CPED1: variants seen among roughly 807,000 people sequenced by gnomAD.
CPED1 encodes the protein cadherin-like and PC-esterase domain-containing protein 1.
In CPED1, 114 loss-of-function variants were observed where a neutral mutation model predicts 128.2. The observed-to-expected ratio is 0.89, with a 90% CI of 0.76 to 1.04. The LOEUF (loss-of-function observed/expected upper bound fraction) is 1.04. Ranked by LOEUF, CPED1 falls within the 50% of genes least tolerant of loss-of-function variation. The pLI, the probability that CPED1 is intolerant of heterozygous loss-of-function variation, is 0.00. For missense variants in CPED1, 1,211 were observed against 1,207.1 expected, an observed-to-expected ratio of 1.00 and a Z score of -0.05; for synonymous variants, 462 against 426.7, an observed-to-expected ratio of 1.08 and a Z score of -1.02.
rs145272615 is a variant in CPED1 at position 121,190,026 on chromosome 7, G to T, written c.2056-46688G>T. On this transcript the variant is annotated intron_variant, in intron 16 of 22. Coordinates refer to ENST00000310396, the MANE Select transcript of CPED1 (RefSeq NM_024913.5). ...CTCTGCTTTTGTGAAATTTACATTA[G>T]GGTTGAAGAAACAGTTAAAGAATTT... Among the ~76,000 whole-genome samples the T allele has an allele frequency of 9.2e-4, 140 of 151,540 alleles. 2 individuals carry two copies. Among genetic ancestry groups the T allele is most frequent in the African/African-American group, 3.3e-3 (135 of 41,356 alleles).
chr7:121,039,771 C>A (rs1793000140), intron 3 of CPED1, among the ~76,000 whole-genome samples: 1 of 152,010 alleles, frequency 6.6e-6, no homozygotes, highest in Non-Finnish European at 1.5e-5. Context: ...AGCAAGCCTT[C>A]TAAAGTGAAC....
chr7:121,084,106 T>C (rs1794361836), intron 5 of CPED1, among the ~76,000 whole-genome samples: 1 of 152,202 alleles, frequency 6.6e-6, no homozygotes. Flanking sequence ...AATATTTCTT[T>C]GCCTCTACCT....
intron 16 of CPED1, among the ~76,000 whole-genome samples, chr7:121,223,504 A>G (rs1038843778): frequency 2.6e-5 from 4 of 151,936 alleles, no homozygotes; most frequent in African/African-American, 9.7e-5. Context: ...CTCTTTTTCT[A>G]TTGATTGGAG....
chr7:121,127,054 A>G (rs752913049), intron 9 of CPED1, 36 bp from the exon 10 acceptor site: 2 of 1,451,034 alleles, frequency 1.4e-6, no homozygotes, highest in South Asian at 2.6e-5. Context: ...AAGTAAATCG[A>G]TGAAAAATAT....
chr7:121,176,072 C>T (rs898055302), intron 16 of CPED1, among the ~76,000 whole-genome samples: 6 of 151,168 alleles, frequency 4.0e-5, no homozygotes, highest in Non-Finnish European at 7.4e-5. Context: ...GTGTAAATTA[C>T]TTGAGGAATT....
At chr7:121,044,012 T>C (rs1262092859) in intron 3 of CPED1, among the ~76,000 whole-genome samples, 1 of 152,132 alleles carries the variant, frequency 6.6e-6, no homozygotes, top group Non-Finnish European at 1.5e-5. Context: ...TAATTTGTAA[T>C]TGTGCTGAGG....
chr7:120,995,967 C>G (rs1348619367), intron 2 of CPED1, among the ~76,000 whole-genome samples: 3 of 109,168 alleles, frequency 2.7e-5, no homozygotes, highest in Non-Finnish European at 5.4e-5. Context: ...CCTCCTCCTC[C>G]TCCTTCTTCT....
intron 21 of CPED1, among the ~76,000 whole-genome samples, chr7:121,269,387 CTCA>C (rs1208298611): frequency 6.6e-6 from 1 of 152,060 alleles, no homozygotes; most frequent in Non-Finnish European, 1.5e-5. Flanking sequence ...TTTTCTTTAT[CTCA>C]TCCACTTTTG....
rs1457550430 is a variant in CPED1, at chr7:121,256,121, AAAC to A, written c.2311-10103_2311-10101del. 2.7e-4 allele frequency among the ~76,000 whole-genome samples: 11 copies of A among 40,622 alleles called. 1 individual carries two copies. Among genetic ancestry groups the A allele is most frequent in the South Asian group, 1.8e-3 (1 of 546 alleles). The allele number at this position is 40,622 out of a possible 152,430, so 26.6% of individuals were successfully genotyped here. On this transcript the variant is annotated intron_variant, in intron 18 of 22. Transcript: ENST00000310396. ...TAAAGCAATCCTAAGCAAAAAAAAA[AAAC>A]AAAACAAAAAAAAAAAACAAAGCTT... is the stretch of plus-strand genomic sequence containing the variant.
At chr7:121,188,242 G>A (rs1797049557) in intron 16 of CPED1, among the ~76,000 whole-genome samples, 1 of 152,072 alleles carries the variant, frequency 6.6e-6, no homozygotes, top group Non-Finnish European at 1.5e-5. Flanking sequence ...GTTGATAATT[G>A]TTGAATATGG....
chr7:121,144,339 A>G (rs1033459962), intron 16 of CPED1, among the ~76,000 whole-genome samples: 11 of 152,114 alleles, frequency 7.2e-5, no homozygotes, highest in Non-Finnish European at 1.5e-4. Flanking sequence ...CATATATACA[A>G]TGGTGTATTA....
intron 16 of CPED1, among the ~76,000 whole-genome samples, chr7:121,222,703 A>G (rs1393410757): frequency 1.3e-5 from 2 of 151,976 alleles, no homozygotes; most frequent in South Asian, 2.1e-4. Context: ...TACTTATTTT[A>G]TTCTTTTTGT....
At chr7:121,122,333 G>T (rs557698734) in intron 7 of CPED1, among the ~76,000 whole-genome samples, 75 of 152,084 alleles carry the variant, frequency 4.9e-4, no homozygotes, top group African/African-American at 1.8e-3. Flanking sequence ...TAGAGATGGG[G>T]TTTCATCATG....
chr7:121,015,744 C>A lies in CPED1; in HGVS notation c.329C>A (p.Thr110Lys), dbSNP rs564333233. 3.1e-6 allele frequency: 5 copies of A among 1,612,030 alleles called. No individual in the cohort carries two copies. The African/African-American group carries it at 6.7e-5, about 22-fold the overall frequency. ...TACAGGCCTCCTTTCTACAGCAAAA[C>A]AGAGCTTCAGCTACACCAGCACATT... ...ILYRPPFYSK[T>K]ELQLHQHILT... The change falls in exon 3 of 23, where the codon ACA (threonine) becomes AAA (lysine). Residue 110 changes from threonine (T) to lysine (K), a missense_variant. Physicochemically the swap from Thr to Lys is moderately conservative, Grantham distance 78. Coordinates refer to ENST00000310396, the MANE Select transcript of CPED1 (RefSeq NM_024913.5).
chr7:121,052,339 G>T (rs1793374888), intron 4 of CPED1, among the ~76,000 whole-genome samples: 1 of 152,126 alleles, frequency 6.6e-6, no homozygotes, highest in Non-Finnish European at 1.5e-5. Context: ...AAAACATACG[G>T]TTGGCACCTG....
intron 16 of CPED1, among the ~76,000 whole-genome samples, chr7:121,201,261 C>T (rs578113280): frequency 1.1e-4 from 17 of 152,084 alleles, no homozygotes; most frequent in African/African-American, 3.9e-4. Flanking sequence ...GGTAACACCC[C>T]GCTCCACCAA....
chr7:121,036,210 T>C (rs1792881146), intron 3 of CPED1, among the ~76,000 whole-genome samples: 1 of 152,102 alleles, frequency 6.6e-6, no homozygotes, highest in African/African-American at 2.4e-5. Context: ...TCTGAGATTT[T>C]GGTGCACCCA....
At chr7:121,206,763 C>A (rs1797527536) in intron 16 of CPED1, among the ~76,000 whole-genome samples, 1 of 151,648 alleles carries the variant, frequency 6.6e-6, no homozygotes, top group Non-Finnish European at 1.5e-5. Flanking sequence ...TATTGAGAAT[C>A]CCTGAAGAAA....
At chr7:121,025,791 T>A (rs1792563281) in intron 3 of CPED1, among the ~76,000 whole-genome samples, 1 of 152,140 alleles carries the variant, frequency 6.6e-6, no homozygotes, top group African/African-American at 2.4e-5. Context: ...AAATGCAATA[T>A]CCCCCTCAGG....
Sources: allele counts gnomAD v4.1 joint callset (sites outside exome capture counted in the v4.1 genomes callset), GRCh38; gene constraint gnomAD v4.1.1; transcripts MANE v1.5; gene names NCBI Gene and HGNC (gene_info 2026-07-23, HGNC 2026-07-21).